LINGO1: variants seen among roughly 807,000 people sequenced by gnomAD.
The protein encoded by LINGO1 is leucine-rich repeat and immunoglobulin-like domain-containing nogo receptor-interacting protein 1.
Under a neutral mutation model 37.3 loss-of-function variants are expected in LINGO1, and 11 were observed. The observed-to-expected ratio is 0.29, with a 90% CI of 0.19 to 0.49. The LOEUF is 0.49. Among genes scored for constraint, LINGO1 ranks in the 20% least tolerant of loss-of-function variants. The pLI is 0.99. For synonymous variants in LINGO1, 387 were observed against 403.0 expected (o/e 0.96, Z 0.48); for missense variants, 585 against 878.2 (o/e 0.67, Z 4.22).
chr15:77,726,031 T>C (rs28470773), intron 2 of LINGO1, among the ~76,000 whole-genome samples: 17,043 of 152,274 alleles, frequency 0.11, 1,134 homozygotes, highest in African/African-American at 0.18. Flanking sequence ...TGAGCACCCA[T>C]GGTGAGAACT....
chr15:77,632,207 GCCCTGCAA>G lies in LINGO1; in HGVS notation c.6+95_6+102del, dbSNP rs2074275360. The G allele has an allele frequency of 1.7e-6, 2 of 1,192,966 alleles. No homozygotes were observed. The allele number at this position is 1,192,966 out of a possible 1,614,324, so 73.9% of individuals were successfully genotyped here. A position where few individuals can be genotyped will look rare whatever the true frequency, so the allele number is the denominator to read the frequency against. On this transcript the variant is annotated intron_variant, in intron 1 of 1. Coordinates refer to ENST00000355300, the MANE Select transcript of LINGO1 (RefSeq NM_032808.7). The surrounding 1 kb of genome is among the most constrained non-coding windows in gnomAD (Gnocchi z 6.0). ...AAGGAGGTCTGGGTGGCACCGAGGT[GCCCTGCAA>G]CCCCAGGAGGGCGCAGCCAGGGCCG...
chr15:77,688,568 AC>A (rs2075551447), intron 2 of LINGO1, among the ~76,000 whole-genome samples: 1 of 152,042 alleles, frequency 6.6e-6, no homozygotes, highest in African/African-American at 2.4e-5. Flanking sequence ...GACAGGCTCA[AC>A]CCTGGGCCTG....
intron 3 of LINGO1, among the ~76,000 whole-genome samples, chr15:77,673,775 C>T (rs971077752): frequency 1.1e-4 from 16 of 152,122 alleles, no homozygotes; most frequent in African/African-American, 3.9e-4. Flanking sequence ...CAGTCACATA[C>T]ATCCACCTGT....
At chr15:77,687,432 A>G (rs1356763386) in intron 2 of LINGO1, among the ~76,000 whole-genome samples, 1 of 152,042 alleles carries the variant, frequency 6.6e-6, no homozygotes. Flanking sequence ...AATTAACATA[A>G]CCTGTCCCCC....
chr15:77,702,711 A>G (rs1332004852), intron 2 of LINGO1, among the ~76,000 whole-genome samples: 6 of 151,840 alleles, frequency 4.0e-5, no homozygotes. Context: ...CTACCTGACT[A>G]CCTCCAGTCT....
intron 1 of LINGO1, among the ~76,000 whole-genome samples, chr15:77,756,160 C>A (rs533090796): frequency 3.9e-5 from 6 of 152,284 alleles, no homozygotes; most frequent in Admixed American, 1.3e-4. Flanking sequence ...CAGGCTAGAC[C>A]CTGCCCCATC....
chr15:77,696,714 G>A (rs1026032540), upstream of LINGO1, among the ~76,000 whole-genome samples: 3 of 152,198 alleles, frequency 2.0e-5, no homozygotes, highest in African/African-American at 2.4e-5. Context: ...CCCCACCTCC[G>A]GGCCCTCCGT....
At position 77,807,925 on chromosome 15, in the gene LINGO1, C is replaced by G. The variant is rs954424983; in HGVS notation, c.-457-11872G>C. 3.9e-5 allele frequency among the ~76,000 whole-genome samples: 6 copies of G among 152,196 alleles called. 1 individual carries two copies. The highest frequency in any genetic ancestry group is 2.6e-4 in the Admixed American group (4 of 15,294). On this transcript the variant is annotated intron_variant, in intron 1 of 5. Transcript: ENST00000562933. ...ATGGTGAAGACAAAATATTTACAGTCTCTGAGGGAGGGGCCTGGAAGGGGC... is the reference window on the plus strand; with the variant it reads ...ATGGTGAAGACAAAATATTTACAGTGTCTGAGGGAGGGGCCTGGAAGGGGC...
chr15:77,626,533 T>C (rs1264596555), intron 1 of LINGO1, among the ~76,000 whole-genome samples: 3 of 152,158 alleles, frequency 2.0e-5, no homozygotes, highest in Non-Finnish European at 2.9e-5. Context: ...GTCAGACACA[T>C]ACAGGAGGAA....
intron 2 of LINGO1, among the ~76,000 whole-genome samples, chr15:77,725,869 C>T (rs553795742): frequency 3.3e-5 from 5 of 152,220 alleles, no homozygotes; most frequent in Admixed American, 6.5e-5. Context: ...CAGCATAGCA[C>T]GCCCAGGGAG....
intron 2 of LINGO1, among the ~76,000 whole-genome samples, chr15:77,680,535 C>T (rs1421016271): frequency 2.0e-5 from 3 of 152,140 alleles, no homozygotes; most frequent in African/African-American, 4.8e-5. Context: ...TTCAAGAGTT[C>T]CCTATCCACG....
At chr15:77,702,816 G>A (rs1269927071) in intron 2 of LINGO1, among the ~76,000 whole-genome samples, 1 of 152,204 alleles carries the variant, frequency 6.6e-6, no homozygotes, top group Non-Finnish European at 1.5e-5. Flanking sequence ...AGCAGCTTCA[G>A]CGGCATGGCT....
chr15:77,788,615 G>A (rs2076793928), upstream of LINGO1: 1 of 152,258 alleles, frequency 6.6e-6, no homozygotes, highest in Non-Finnish European at 1.5e-5. Flanking sequence ...ACAGCACAGA[G>A]TCTAGCATGC....
intron 1 of LINGO1, among the ~76,000 whole-genome samples, chr15:77,625,529 T>C (rs78919275): frequency 1.1e-4 from 16 of 152,072 alleles, no homozygotes; most frequent in Non-Finnish European, 1.5e-4. Context: ...ATAGTGCCTC[T>C]TTTTTTTAAA....
chr15:77,665,551 C>T (rs938231951), intron 3 of LINGO1, among the ~76,000 whole-genome samples: 2 of 152,198 alleles, frequency 1.3e-5, no homozygotes, highest in Admixed American at 6.5e-5. Flanking sequence ...ACCATAGTTG[C>T]GAGTGCCCTT....
intron 2 of LINGO1, among the ~76,000 whole-genome samples, chr15:77,718,559 C>A (rs1299255407): frequency 6.6e-6 from 1 of 151,002 alleles, no homozygotes; most frequent in Non-Finnish European, 1.5e-5. Flanking sequence ...TCCACACACA[C>A]GTCCACAGGC....
chr15:77,725,027 G>T (rs1317758190), intron 2 of LINGO1, among the ~76,000 whole-genome samples: 2 of 152,236 alleles, frequency 1.3e-5, no homozygotes, highest in African/African-American at 4.8e-5. Context: ...CCATGCTGAA[G>T]GATCAGAGCA....
At chr15:77,779,448 A>G (rs755379470) in intron 1 of LINGO1, among the ~76,000 whole-genome samples, 11 of 152,074 alleles carry the variant, frequency 7.2e-5, no homozygotes, top group Admixed American at 2.0e-4. Context: ...ACAACTCACC[A>G]TAATGTAGAA....
rs1280215001 is a variant in LINGO1 at position 77,626,054 on chromosome 15, C to T, written c.6+6256G>A. ...TAGTTCACCTGCCTGAGGTCCTGAG[C>T]TTGTCTGGCTCCAAAGGCATAACAC... On this transcript the variant is annotated intron_variant, in intron 1 of 1. Coordinates refer to ENST00000355300, the MANE Select transcript of LINGO1 (RefSeq NM_032808.7). Among the ~76,000 whole-genome samples, 6 of 152,192 alleles carry T rather than the reference C, an allele frequency of 3.9e-5. No homozygotes were observed. The East Asian group carries it at 7.7e-4, about 20-fold the overall frequency.
Sources: gnomAD v4.1 joint callset for allele counts (sites outside exome capture counted in the v4.1 genomes callset) on GRCh38, gnomAD v4.1.1 for gene constraint, Gnocchi (gnomAD v3.1) non-coding constraint, MANE v1.5 for transcripts, NCBI Gene and HGNC (gene_info 2026-07-23, HGNC 2026-07-21) for gene names.